FOXP2: variants seen among roughly 807,000 people sequenced by gnomAD.
FOXP2 encodes the protein forkhead box protein P2.
FOXP2 carries 12 observed loss-of-function variants against 115.8 expected under a neutral mutation model. The observed-to-expected ratio is 0.10, with a 90% confidence interval of 0.07 to 0.17. FOXP2 has a LOEUF of 0.17. Ranked by LOEUF, FOXP2 falls within the 10% of genes least tolerant of loss-of-function variation. FOXP2 has a pLI of 1.00. For missense variants in FOXP2, 629 were observed against 843.5 expected (o/e 0.75, Z 3.15); for synonymous variants, 328 against 297.7 (o/e 1.10, Z -1.05).
chr7:114,589,699 C>T (rs1462094061), intron 3 of FOXP2, among the ~76,000 whole-genome samples: 4 of 152,144 alleles, frequency 2.6e-5, no homozygotes, highest in African/African-American at 4.8e-5. Context: ...GGTGATTTAC[C>T]AGCCTGCCCA....
At chr7:114,266,614 T>C (rs1028024146) in intron 1 of FOXP2, among the ~76,000 whole-genome samples, 18 of 152,156 alleles carry the variant, frequency 1.2e-4, no homozygotes, top group African/African-American at 4.1e-4. Context: ...AATCCATCCT[T>C]ATGCCCCCAG....
intron 2 of FOXP2, among the ~76,000 whole-genome samples, chr7:114,350,011 T>C (rs191868748): frequency 7.1e-4 from 108 of 152,214 alleles, no homozygotes; most frequent in African/African-American, 2.5e-3. Flanking sequence ...GCTTTAAAAG[T>C]CACTAAAGAT....
chr7:114,329,148 A>T (rs548050846), intron 2 of FOXP2, among the ~76,000 whole-genome samples: 1 of 152,304 alleles, frequency 6.6e-6, no homozygotes, highest in South Asian at 2.1e-4. Flanking sequence ...AGTTATTTTG[A>T]AAAATAAATA....
chr7:114,377,521 G>T (rs1792171787), intron 2 of FOXP2, among the ~76,000 whole-genome samples: 1 of 152,188 alleles, frequency 6.6e-6, no homozygotes, highest in Non-Finnish European at 1.5e-5. Context: ...TTTAGCATTA[G>T]TGCTATTAGA....
chr7:114,303,705 C>T (rs183638751), intron 2 of FOXP2, among the ~76,000 whole-genome samples: 1 of 152,228 alleles, frequency 6.6e-6, no homozygotes, highest in East Asian at 1.9e-4. Flanking sequence ...TGATAATATA[C>T]TTTTAATCTC....
intron 1 of FOXP2, among the ~76,000 whole-genome samples, chr7:114,249,399 G>T (rs1004842823): frequency 1.3e-5 from 2 of 151,302 alleles, no homozygotes; most frequent in Non-Finnish European, 2.9e-5. Context: ...AATGTGTGTT[G>T]TTCCCCTCCC....
intron 2 of FOXP2, chr7:114,462,967 A>C: frequency 3.1e-6 from 1 of 326,670 alleles, no homozygotes; most frequent in Admixed American, 4.0e-5. Flanking sequence ...CAATACATTA[A>C]TTATAACTTG....
chr7:114,642,442 T>C lies in FOXP2; in HGVS notation c.808T>C (p.Trp270Arg), dbSNP rs779754644. The part of the protein sequence containing the change: ...GLSPAEIQQL[W>R]KEVTGVHSME... Reference sequence around the variant, plus strand: ...AAGTCCTGCTGAGATTCAGCAGTTATGGAAAGAAGTGACTGGAGTTCACAG... The same window carrying C: ...AAGTCCTGCTGAGATTCAGCAGTTACGGAAAGAAGTGACTGGAGTTCACAG... The change falls in exon 7 of 17, where the codon TGG becomes CGG. Residue 270 changes from tryptophan to arginine, a missense_variant. Coordinates refer to ENST00000350908, the MANE Select transcript of FOXP2 (RefSeq NM_014491.4). The C allele has an allele frequency of 1.2e-6, 2 of 1,613,844 alleles. No homozygotes were observed. The highest frequency in any genetic ancestry group is 1.7e-6 in the Non-Finnish European group (2 of 1,179,902).
chr7:114,422,163 G>T (rs1793651292), intron 1 of FOXP2, among the ~76,000 whole-genome samples: 1 of 151,632 alleles, frequency 6.6e-6, no homozygotes, highest in African/African-American at 2.4e-5. Flanking sequence ...AAACTATTTG[G>T]ATTTAATGCA....
intron 1 of FOXP2, chr7:114,163,181 A>T (rs955407251): frequency 2.6e-5 from 4 of 151,972 alleles, no homozygotes; most frequent in South Asian, 2.1e-4. Context: ...TATTGTTTGG[A>T]TTTTTTCCTC....
At chr7:114,390,961 G>C (rs1792583197) in intron 2 of FOXP2, among the ~76,000 whole-genome samples, 1 of 152,084 alleles carries the variant, frequency 6.6e-6, no homozygotes, top group South Asian at 2.1e-4. Flanking sequence ...GGCTGAGGTG[G>C]GCAGATCACG....
At chr7:114,268,537 A>G (rs935390575) in intron 1 of FOXP2, among the ~76,000 whole-genome samples, 5 of 152,166 alleles carry the variant, frequency 3.3e-5, no homozygotes, top group African/African-American at 1.2e-4. Context: ...GTTGTAATAT[A>G]GTGTCTTAAG....
At chr7:114,667,309 T>A (rs1807218060) in intron 16 of FOXP2, 1 of 151,966 alleles carries the variant, frequency 6.6e-6, no homozygotes, top group African/African-American at 2.4e-5. Flanking sequence ...CTGTATACAG[T>A]CCTAGCTACT....
intron 1 of FOXP2, among the ~76,000 whole-genome samples, chr7:114,090,922 C>T (rs1292860585): frequency 2.0e-5 from 3 of 151,418 alleles, no homozygotes; most frequent in Non-Finnish European, 4.4e-5. Flanking sequence ...GGCCCTGTAA[C>T]ATATTTAACA....
At chr7:114,199,347 AC>A (rs1443027889) in intron 1 of FOXP2, among the ~76,000 whole-genome samples, 3 of 152,184 alleles carry the variant, frequency 2.0e-5, no homozygotes, top group Admixed American at 1.3e-4. Context: ...GTATTTTGTA[AC>A]CTTTCTAATT....
At chr7:114,263,314 A>T (rs986402366) in intron 1 of FOXP2, among the ~76,000 whole-genome samples, 2 of 148,292 alleles carry the variant, frequency 1.3e-5, no homozygotes, top group Non-Finnish European at 3.0e-5. Context: ...ACACTCCTCT[A>T]TTATAGATTA....
chr7:114,116,700 T>A (rs1369019558), intron 1 of FOXP2, among the ~76,000 whole-genome samples: 1 of 152,020 alleles, frequency 6.6e-6, no homozygotes, highest in Non-Finnish European at 1.5e-5. Flanking sequence ...AAGTTAATAG[T>A]AAACTATATG....
chr7:114,145,634 C>T (rs919668841), intron 1 of FOXP2, among the ~76,000 whole-genome samples: 5 of 151,664 alleles, frequency 3.3e-5, no homozygotes, highest in Non-Finnish European at 7.4e-5. Context: ...ATTACAGGCG[C>T]GTGCACAACT....
chr7:114,252,578 G>T (rs145640554), intron 1 of FOXP2, among the ~76,000 whole-genome samples: 2,426 of 152,190 alleles, frequency 0.016, 30 homozygotes, highest in African/African-American at 0.029. Context: ...GTTTATTTGC[G>T]TAGAGGTGTT....
Sources: allele counts gnomAD v4.1 joint callset (sites outside exome capture counted in the v4.1 genomes callset), GRCh38; gene constraint gnomAD v4.1.1; transcripts MANE v1.5; gene names NCBI Gene and HGNC (gene_info 2026-07-23, HGNC 2026-07-21).